HSD17B12: variants seen among roughly 807,000 people sequenced by gnomAD.
The protein encoded by HSD17B12 is very-long-chain 3-oxoacyl-CoA reductase.
A neutral mutation model predicts 39.3 loss-of-function variants in HSD17B12; 32 were observed. The observed-to-expected ratio is 0.81, with a 90% CI of 0.61 to 1.09. The LOEUF (loss-of-function observed/expected upper bound fraction) is 1.09, where lower values mean the gene tolerates loss of function less well. Ranked by LOEUF, HSD17B12 falls within the 50% of genes least tolerant of loss-of-function variation. The pLI, the probability that HSD17B12 is intolerant of heterozygous loss-of-function variation, is 0.00. For missense variants in HSD17B12, 342 were observed against 382.9 expected, an observed-to-expected ratio of 0.89 and a Z score of 0.89; for synonymous variants, 150 against 146.7, an observed-to-expected ratio of 1.02 and a Z score of -0.16.
chr11:43,788,887 G>C (rs571411155), intron 3 of HSD17B12, among the ~76,000 whole-genome samples: 1 of 152,200 alleles, frequency 6.6e-6, no homozygotes, highest in South Asian at 2.1e-4. Flanking sequence ...TTGCCATCTT[G>C]AAATTCTTAA....
chr11:43,713,865 C>A (rs936507053), intron 1 of HSD17B12, among the ~76,000 whole-genome samples: 6 of 152,204 alleles, frequency 3.9e-5, no homozygotes, highest in Non-Finnish European at 7.3e-5. Flanking sequence ...ATTTGCATTT[C>A]TCTGATGGCT....
the HSD17B12 span, among the ~76,000 whole-genome samples, chr11:43,628,967 C>G: frequency 6.6e-6 from 1 of 151,970 alleles, no homozygotes; most frequent in Non-Finnish European, 1.5e-5. Context: ...AACTGATAAT[C>G]CATACCATTC....
the HSD17B12 span, among the ~76,000 whole-genome samples, chr11:43,610,703 G>A: frequency 6.6e-6 from 1 of 152,196 alleles, no homozygotes; most frequent in Admixed American, 6.5e-5. Flanking sequence ...AGGGAACCAT[G>A]AGCAGCAGGG....
intron 1 of HSD17B12, among the ~76,000 whole-genome samples, chr11:43,715,834 T>C (rs1340810065): frequency 2.0e-5 from 3 of 152,166 alleles, no homozygotes; most frequent in Non-Finnish European, 4.4e-5. Flanking sequence ...AATTAAAAAT[T>C]AAATTAATAG....
chr11:43,772,938 C>A (rs1950663865), intron 3 of HSD17B12, among the ~76,000 whole-genome samples: 1 of 152,014 alleles, frequency 6.6e-6, no homozygotes, highest in Admixed American at 6.6e-5. Context: ...TAGTGAGACC[C>A]CATCTCTACA....
rs11037591 is a variant in HSD17B12, at chr11:43,741,820, C to T, written c.161-9091C>T. Among the ~76,000 whole-genome samples, 721 of 149,662 alleles carry T rather than the reference C, an allele frequency of 4.8e-3. 6 individuals are homozygous for T. The highest frequency in any genetic ancestry group is 0.043 in the East Asian group (214 of 5,034). ...GCGACCTCGGCTCACTGCAACCTCC[C>T]CCTCTTGGGTTCACTCCATCCTCCT... On this transcript the variant is annotated intron_variant, in intron 1 of 10. Transcript: ENST00000278353.
intron 4 of HSD17B12, among the ~76,000 whole-genome samples, chr11:43,810,045 T>C (rs1446000785): frequency 6.6e-6 from 1 of 152,238 alleles, no homozygotes; most frequent in East Asian, 1.9e-4. Context: ...ATTTCCTATA[T>C]CTCTGATTAA....
At chr11:43,754,248 A>G in intron 3 of HSD17B12, 127 bp downstream of exon 3, 2 of 675,610 alleles carry the variant, frequency 3.0e-6, no homozygotes, top group Non-Finnish European at 2.5e-6. Context: ...ATTAAAGAGC[A>G]TGAAAAAGCA....
chr11:43,804,002 A>T (rs925906883), intron 4 of HSD17B12, among the ~76,000 whole-genome samples: 1 of 152,190 alleles, frequency 6.6e-6, no homozygotes, highest in Non-Finnish European at 1.5e-5. Context: ...ACTTTGCACA[A>T]TACAACTCAG....
chr11:43,770,217 C>T (rs1324654292), intron 3 of HSD17B12, among the ~76,000 whole-genome samples: 1 of 152,170 alleles, frequency 6.6e-6, no homozygotes, highest in Non-Finnish European at 1.5e-5. Flanking sequence ...CAGTACATTT[C>T]ACTTACTCAA....
At chr11:43,786,529 G>T (rs1463759577) in intron 3 of HSD17B12, among the ~76,000 whole-genome samples, 1 of 152,100 alleles carries the variant, frequency 6.6e-6, no homozygotes, top group African/African-American at 2.4e-5. Flanking sequence ...CAGTATTTTT[G>T]ACTCTCAGGG....
the HSD17B12 span, among the ~76,000 whole-genome samples, chr11:43,616,586 C>T: frequency 6.6e-6 from 1 of 151,652 alleles, no homozygotes; most frequent in African/African-American, 2.4e-5. Flanking sequence ...TACAACAACA[C>T]TTTATGGCAG....
chr11:43,591,744 T>C, the HSD17B12 span, among the ~76,000 whole-genome samples: 2 of 152,084 alleles, frequency 1.3e-5, no homozygotes, highest in South Asian at 2.1e-4. Context: ...TTGTTTTCTG[T>C]ATAGTTAACT....
At chr11:43,841,427 T>C (rs1410871674) in intron 9 of HSD17B12, among the ~76,000 whole-genome samples, 1 of 152,230 alleles carries the variant, frequency 6.6e-6, no homozygotes, top group African/African-American at 2.4e-5. Flanking sequence ...TTTATTTTGT[T>C]GCTGGTGCTT....
At chr11:43,706,076 C>A (rs958501187) in intron 1 of HSD17B12, among the ~76,000 whole-genome samples, 3 of 152,070 alleles carry the variant, frequency 2.0e-5, no homozygotes, top group Non-Finnish European at 2.9e-5. Flanking sequence ...GGGACATGGA[C>A]TCTACTTTGC....
chr11:43,798,417 C>A lies in HSD17B12; in HGVS notation c.381C>A (p.Ile127=). ...AAACAGGCTTGGCTGGTCTTGAAATCGGCATCTTAGGTTTGTATTTTTGCC... is the reference window on the plus strand; with the variant it reads ...AAACAGGCTTGGCTGGTCTTGAAATAGGCATCTTAGGTTTGTATTTTTGCC... ...KIKTGLAGLE[I]GILVNNVGMS... Residue 127 remains isoleucine (I), a synonymous_variant, in exon 4 of 11, where the codon ATC becomes ATA. Coordinates refer to ENST00000278353, the MANE Select transcript of HSD17B12 (RefSeq NM_016142.3). 6.2e-7 allele frequency: 1 copy of A among 1,605,892 alleles called. No individual in the cohort carries two copies. The highest frequency in any genetic ancestry group is 8.5e-7 in the Non-Finnish European group (1 of 1,173,978).
chr11:43,557,806 G>C, the HSD17B12 span, among the ~76,000 whole-genome samples: 2 of 152,114 alleles, frequency 1.3e-5, no homozygotes, highest in Non-Finnish European at 2.9e-5. Context: ...CTCAGCCAGG[G>C]TCTGTCAGTC....
At chr11:43,690,349 A>T (rs1181041518) in intron 1 of HSD17B12, among the ~76,000 whole-genome samples, 1 of 127,222 alleles carries the variant, frequency 7.9e-6, no homozygotes, top group East Asian at 2.3e-4. Context: ...TCTGTTAAGT[A>T]AGGTATTCAT....
At position 43,855,397 on chromosome 11, in the gene HSD17B12, GT is replaced by G; in HGVS notation, c.*151del. Reference sequence around the variant, plus strand: ...TATCTTAATTAAGAGGAAAATAGAAGTTGCTTTTAGGGGTTTCTGACATATA... The same window carrying G: ...TATCTTAATTAAGAGGAAAATAGAAGTGCTTTTAGGGGTTTCTGACATATA... On this transcript the variant is annotated 3_prime_UTR_variant, in exon 11 of 11. Transcript: ENST00000278353. 8.5e-6 allele frequency: 4 copies of G among 468,534 alleles called. No individual in the cohort carries two copies. In the East Asian group the frequency reaches 1.4e-4, roughly 16 times the overall value. The allele number at this position is 468,534 out of a possible 1,614,324, so 29.0% of individuals were successfully genotyped here.
Sources: gnomAD v4.1 joint callset for allele counts (sites outside exome capture counted in the v4.1 genomes callset) on GRCh38, gnomAD v4.1.1 for gene constraint, MANE v1.5 for transcripts, NCBI Gene and HGNC (gene_info 2026-07-23, HGNC 2026-07-21) for gene names.